The following GLYATL2 variants were observed in gnomAD, a reference collection of about 807,000 sequenced individuals.
The protein encoded by GLYATL2 is glycine N-acyltransferase-like protein 2.
A neutral mutation model predicts 21.4 loss-of-function variants in GLYATL2; 25 were observed. That is an observed-to-expected ratio of 1.17 (90% CI 0.85 to 1.63). The LOEUF is 1.63. GLYATL2 is among the 40% of genes most tolerant of loss of function. The probability of loss-of-function intolerance (pLI) is 0.00; values close to 1 mark genes in which losing one functional copy is unlikely to be tolerated. For synonymous variants in GLYATL2, 114 were observed against 118.2 expected, an observed-to-expected ratio of 0.96 and a Z score of 0.23; for missense variants, 361 against 343.3, an observed-to-expected ratio of 1.05 and a Z score of -0.41.
intron 1 of GLYATL2, among the ~76,000 whole-genome samples, chr11:58,896,749 T>G (rs1304474733): frequency 1.2e-5 from 1 of 80,656 alleles, no homozygotes; most frequent in Non-Finnish European, 3.0e-5. Flanking sequence ...GTTTTGTTTT[T>G]ATTTTAACGG....
chr11:58,861,634 C>T (rs889071868), intron 1 of GLYATL2, among the ~76,000 whole-genome samples: 22 of 151,288 alleles, frequency 1.5e-4, no homozygotes, highest in African/African-American at 4.9e-4. Context: ...TTTTATAGTT[C>T]CGTGAAGTGT....
intron 1 of GLYATL2, among the ~76,000 whole-genome samples, chr11:58,851,806 T>C (rs1853746109): frequency 6.6e-6 from 1 of 152,150 alleles, no homozygotes; most frequent in Non-Finnish European, 1.5e-5. Context: ...GGCAAGCCAC[T>C]GGAAAGTTAG....
intron 1 of GLYATL2, among the ~76,000 whole-genome samples, chr11:58,856,998 A>G (rs573236): frequency 0.89 from 135,062 of 152,178 alleles, 61,092 homozygotes; most frequent in Non-Finnish European, 0.98. Flanking sequence ...GCAATAAAAT[A>G]AGGTGTGCCT....
chr11:58,905,618 G>A (rs944624844), upstream of GLYATL2: 7 of 456,164 alleles, frequency 1.5e-5, no homozygotes, highest in Admixed American at 7.0e-5. Context: ...AGGGGACGCC[G>A]ATGAGCAGGA....
At chr11:58,859,741 G>T (rs1481021127) in intron 1 of GLYATL2, among the ~76,000 whole-genome samples, 1 of 152,048 alleles carries the variant, frequency 6.6e-6, no homozygotes, top group Non-Finnish European at 1.5e-5. Context: ...TAGTGGTTTT[G>T]CAGTCTCAGG....
chr11:58,908,173 T>G (rs975077916), upstream of GLYATL2: 3 of 152,252 alleles, frequency 2.0e-5, no homozygotes, highest in Non-Finnish European at 4.4e-5. Flanking sequence ...AACTCCCAGC[T>G]TGTCTTCTCA....
chr11:58,857,035 A>C (rs1204974517), intron 1 of GLYATL2, among the ~76,000 whole-genome samples: 1 of 152,228 alleles, frequency 6.6e-6, no homozygotes, highest in Non-Finnish European at 1.5e-5. Context: ...CTTTAAACAT[A>C]TATGCAGTAG....
chr11:58,889,845 C>T (rs184791553), intron 1 of GLYATL2, among the ~76,000 whole-genome samples: 1 of 152,200 alleles, frequency 6.6e-6, no homozygotes, highest in Non-Finnish European at 1.5e-5. Flanking sequence ...GCATTAGGAG[C>T]TTTTCATCTG....
chr11:58,840,206 A>G (rs1008850856), intron 1 of GLYATL2, among the ~76,000 whole-genome samples: 4 of 152,234 alleles, frequency 2.6e-5, no homozygotes, highest in African/African-American at 9.6e-5. Context: ...GATACCACCA[A>G]GTAGAAATTG....
At chr11:58,859,122 TG>T (rs1290650371) in intron 1 of GLYATL2, among the ~76,000 whole-genome samples, 3 of 152,304 alleles carry the variant, frequency 2.0e-5, no homozygotes, top group Admixed American at 2.0e-4. Context: ...GCAATCCCCC[TG>T]GCCCCCAACT....
upstream of GLYATL2, among the ~76,000 whole-genome samples, chr11:58,906,356 T>C (rs1854884879): frequency 6.6e-6 from 1 of 152,168 alleles, no homozygotes; most frequent in Non-Finnish European, 1.5e-5. Flanking sequence ...TGGTGGATCC[T>C]TTCCTTCCCT....
intron 1 of GLYATL2, among the ~76,000 whole-genome samples, chr11:58,877,420 C>A (rs1338367421): frequency 6.6e-6 from 1 of 152,176 alleles, no homozygotes; most frequent in Admixed American, 6.5e-5. Context: ...TGGCTCCACT[C>A]CCTCTGGTAG....
upstream of GLYATL2, among the ~76,000 whole-genome samples, chr11:58,848,687 A>T (rs902352497): frequency 6.6e-6 from 1 of 152,206 alleles, no homozygotes; most frequent in Non-Finnish European, 1.5e-5. Context: ...AAAAAACAAC[A>T]AAACACATCT....
At chr11:58,838,968 A>G (rs1853494128) in intron 2 of GLYATL2, among the ~76,000 whole-genome samples, 1 of 152,144 alleles carries the variant, frequency 6.6e-6, no homozygotes, top group Admixed American at 6.5e-5. Context: ...AGAGAATGAG[A>G]GCAAGTTATT....
At chr11:58,846,918 G>T (rs778880522), upstream of GLYATL2, among the ~76,000 whole-genome samples, 4 of 151,998 alleles carry the variant, frequency 2.6e-5, no homozygotes, top group Non-Finnish European at 5.9e-5. Context: ...GCTCACAGCT[G>T]CTAAAGAGAC....
intron 1 of GLYATL2, among the ~76,000 whole-genome samples, chr11:58,859,700 T>A (rs1180149322): frequency 6.6e-6 from 1 of 152,182 alleles, no homozygotes; most frequent in Non-Finnish European, 1.5e-5. Context: ...CCCCAACTAA[T>A]ATCAGGAAGC....
At chr11:58,902,891 C>T (rs1030428369) in intron 1 of GLYATL2, among the ~76,000 whole-genome samples, 2 of 152,162 alleles carry the variant, frequency 1.3e-5, no homozygotes, top group Non-Finnish European at 2.9e-5. Flanking sequence ...TCAACAGATT[C>T]CCTGAGCATC....
chr11:58,898,999 G>A (rs1240224259), intron 1 of GLYATL2, among the ~76,000 whole-genome samples: 1 of 151,954 alleles, frequency 6.6e-6, no homozygotes, highest in Non-Finnish European at 1.5e-5. Flanking sequence ...TTACACTCAG[G>A]GGACTGATGC....
intron 1 of GLYATL2, among the ~76,000 whole-genome samples, chr11:58,878,576 A>G (rs755632201): frequency 2.6e-5 from 4 of 152,216 alleles, no homozygotes; most frequent in Non-Finnish European, 4.4e-5. Context: ...GGGTCAGAAA[A>G]GAACTGGTAA....
Sources: allele counts gnomAD v4.1 joint callset (sites outside exome capture counted in the v4.1 genomes callset), GRCh38; gene constraint gnomAD v4.1.1; transcripts MANE v1.5; gene names NCBI Gene and HGNC (gene_info 2026-07-23, HGNC 2026-07-21).